VPS36: variants seen among roughly 807,000 people sequenced by gnomAD.
VPS36 encodes the protein vacuolar protein sorting 36 homolog.
VPS36 carries 31 observed loss-of-function variants against 63.5 expected under a neutral mutation model. The observed-to-expected ratio is 0.49, with a 90% CI of 0.37 to 0.66. The LOEUF (loss-of-function observed/expected upper bound fraction) is 0.66. Ranked by LOEUF, VPS36 falls within the 30% of genes least tolerant of loss-of-function variation. VPS36 has a pLI of 0.00. For missense variants in VPS36, 338 were observed against 463.7 expected, an observed-to-expected ratio of 0.73 and a Z score of 2.49; for synonymous variants, 138 against 157.2, an observed-to-expected ratio of 0.88 and a Z score of 0.91.
chr13:52,417,183 G>A (rs1432729952), intron 11 of VPS36, 42 bp from the exon 12 acceptor site: 1 of 1,568,000 alleles, frequency 6.4e-7, no homozygotes, highest in Non-Finnish European at 8.8e-7. Context: ...GAATTATCTA[G>A]GATATTCAAC....
At chr13:52,434,949 C>A in intron 4 of VPS36, 67 bp from the exon 5 acceptor site, 676 of 1,188,216 alleles carry the variant, frequency 5.7e-4, no homozygotes, top group Non-Finnish European at 7.4e-4. Flanking sequence ...TAAATCATTA[C>A]TTAACATTTC....
intron 4 of VPS36, chr13:52,435,775 G>A (rs1958209328): frequency 6.6e-6 from 1 of 152,198 alleles, no homozygotes; most frequent in South Asian, 2.1e-4. Flanking sequence ...GATATTGATG[G>A]GGAGAATAAA....
Position 52,415,748 on chromosome 13 carries a change from GGGGTTTATCTCTTAGCTCAATGTCATACA to G in VPS36, c.*53_*81del. On this transcript the variant is annotated 3_prime_UTR_variant, in exon 14 of 14. Coordinates refer to ENST00000378060, the MANE Select transcript of VPS36 (RefSeq NM_016075.4). ...AGTTCCAATAAATTCTCAATTGATC[GGGGTTTATCTCTTAGCTCAATGTCATACA>G]ACCTCTACATGACGCAAGCATATGG... The G allele has an allele frequency of 4.9e-6, 6 of 1,231,622 alleles. No homozygotes were observed. In the South Asian group the frequency reaches 7.9e-5, roughly 16 times the overall value. The allele number at this position is 1,231,622 out of a possible 1,614,324, so 76.3% of individuals were successfully genotyped here. A position where few individuals can be genotyped will look rare whatever the true frequency, so the allele number is the denominator to read the frequency against.
At chr13:52,426,833 C>A (rs1469955792) in intron 8 of VPS36, among the ~76,000 whole-genome samples, 156 bp downstream of exon 8, 1 of 151,996 alleles carries the variant, frequency 6.6e-6, no homozygotes, top group East Asian at 1.9e-4. Flanking sequence ...CCAGCCTGGG[C>A]GACGGAGCGA....
chr13:52,434,887 T>TA lies in VPS36; in HGVS notation c.352-6dup. 6.2e-7 allele frequency: 1 copy of TA among 1,612,182 alleles called. No individual in the cohort carries two copies. The highest frequency in any genetic ancestry group is 8.5e-7 in the Non-Finnish European group (1 of 1,178,802). The stretch of plus-strand genomic sequence containing the variant: ...CTCTGATAAACGCCTGTAAAACTGA[T>TA]ACGCAAATAAATACACTTTAAATGA... On this transcript the variant is annotated splice_polypyrimidine_tract_variant and splice_region_variant and intron_variant, in intron 4 of 13. Transcript: ENST00000378060.
intron 9 of VPS36, among the ~76,000 whole-genome samples, chr13:52,425,375 G>A (rs1414716311): frequency 6.6e-6 from 1 of 152,092 alleles, no homozygotes; most frequent in African/African-American, 2.4e-5. Flanking sequence ...TATCATTAGA[G>A]TTACATAATG....
intron 1 of VPS36, among the ~76,000 whole-genome samples, chr13:52,448,280 G>C (rs1958365043): frequency 6.6e-6 from 1 of 152,230 alleles, no homozygotes; most frequent in Non-Finnish European, 1.5e-5. Flanking sequence ...AATTTCACCA[G>C]ATTTGGGGGC....
chr13:52,420,287 T>C (rs960326499), intron 10 of VPS36, among the ~76,000 whole-genome samples: 1 of 151,552 alleles, frequency 6.6e-6, no homozygotes, highest in African/African-American at 2.4e-5. Flanking sequence ...AGTAGTACAA[T>C]AGGGAAACCA....
At chr13:52,435,424 T>C (rs113160277) in intron 4 of VPS36, among the ~76,000 whole-genome samples, 82 of 152,006 alleles carry the variant, frequency 5.4e-4, no homozygotes, top group Non-Finnish European at 9.7e-4. Context: ...TGACCTTCTA[T>C]ATAAAGTGGG....
chr13:52,415,808 A>G lies in VPS36; in HGVS notation c.*22T>C. On this transcript the variant is annotated 3_prime_UTR_variant, in exon 14 of 14. Coordinates refer to ENST00000378060, the MANE Select transcript of VPS36 (RefSeq NM_016075.4). ...TACATGACGCAAGCATATGGACAAA[A>G]AGGATTTTAAATACAAAACCCTTAG... The G allele has an allele frequency of 6.2e-7, 1 of 1,611,198 alleles. No individual in the cohort carries two copies. The highest frequency in any genetic ancestry group is 8.5e-7 in the Non-Finnish European group (1 of 1,178,502).
At chr13:52,425,178 G>A (rs1958088148) in intron 9 of VPS36, among the ~76,000 whole-genome samples, 2 of 150,906 alleles carry the variant, frequency 1.3e-5, no homozygotes, top group African/African-American at 4.9e-5. Context: ...GTGTGAACCT[G>A]GGAGGCGGAG....
chr13:52,419,545 G>A (rs943537464), intron 10 of VPS36, among the ~76,000 whole-genome samples: 2 of 152,154 alleles, frequency 1.3e-5, no homozygotes, highest in African/African-American at 2.4e-5. Flanking sequence ...ATTGTTGGTG[G>A]GAAGGTAAAT....
chr13:52,415,735 T>C lies in VPS36; in HGVS notation c.*95A>G. 8.7e-7 allele frequency: 1 copy of C among 1,145,232 alleles called. No individual in the cohort carries two copies. Among genetic ancestry groups the C allele is most frequent in the South Asian group, 1.4e-5 (1 of 72,908 alleles). 70.9% of individuals were successfully genotyped at this position (1,145,232 alleles called of 1,614,324 possible). A position where few individuals can be genotyped will look rare whatever the true frequency, so the allele number is the denominator to read the frequency against. ...CATTGCACTGTGAAGTTCCAATAAA[T>C]TCTCAATTGATCGGGGTTTATCTCT... On this transcript the variant is annotated 3_prime_UTR_variant, in exon 14 of 14. Coordinates refer to ENST00000378060, the MANE Select transcript of VPS36 (RefSeq NM_016075.4).
rs951477582 is a variant in VPS36 at position 52,438,866 on chromosome 13, T to C, written c.236+232A>G. 6.2e-4 allele frequency among the ~76,000 whole-genome samples: 94 copies of C among 152,354 alleles called. 1 individual carries two copies. Among genetic ancestry groups the C allele is most frequent in the Non-Finnish European group, 2.1e-4 (14 of 68,038 alleles). The stretch of plus-strand genomic sequence containing the variant: ...GTTATTTCCGATTTTAAGTATGAAA[T>C]GACAGGTACACAGGGATGTGAAAGC... On this transcript the variant is annotated intron_variant, in intron 3 of 13. Coordinates refer to ENST00000378060, the MANE Select transcript of VPS36 (RefSeq NM_016075.4).
At chr13:52,433,848 C>A in intron 5 of VPS36, 100 bp from the exon 6 acceptor site, 1 of 994,110 alleles carries the variant, frequency 1.0e-6, no homozygotes, top group Non-Finnish European at 1.5e-6. Context: ...GGGAAAGGAC[C>A]TACAAAGAAC....
intron 10 of VPS36, 103 bp downstream of exon 10, chr13:52,423,470 CA>C: frequency 1.0e-6 from 1 of 998,578 alleles, no homozygotes; most frequent in African/African-American, 1.6e-5. Flanking sequence ...CAGTGCTTCT[CA>C]AAATAGCTTT....
chr13:52,422,602 G>A (rs1374514941), intron 10 of VPS36, among the ~76,000 whole-genome samples: 1 of 152,030 alleles, frequency 6.6e-6, no homozygotes, highest in Non-Finnish European at 1.5e-5. Context: ...CCTTCTTTGT[G>A]TTCATAAGTT....
chr13:52,433,836 G>T, intron 5 of VPS36, 88 bp from the exon 6 acceptor site: 1 of 1,156,206 alleles, frequency 8.6e-7, no homozygotes, highest in Non-Finnish European at 1.2e-6. Context: ...GTTTTCAATG[G>T]CGGGAAAGGA....
chr13:52,433,554 G>A (rs1958181990), intron 6 of VPS36, 108 bp downstream of exon 6: 1 of 944,296 alleles, frequency 1.1e-6, no homozygotes, highest in Non-Finnish European at 1.6e-6. Flanking sequence ...TGTAGCTTCA[G>A]GCAAATGAAA....
Sources: allele counts gnomAD v4.1 joint callset (sites outside exome capture counted in the v4.1 genomes callset), GRCh38; gene constraint gnomAD v4.1.1; transcripts MANE v1.5; gene names NCBI Gene and HGNC (gene_info 2026-07-23, HGNC 2026-07-21).